PPM1H: variants seen among roughly 807,000 people sequenced by gnomAD.
The protein encoded by PPM1H is protein phosphatase, Mg2+/Mn2+ dependent 1H, also known as protein phosphatase 1H.
A neutral mutation model predicts 54.9 loss-of-function variants in PPM1H; 27 were observed. The ratio of observed to expected loss-of-function variants is 0.49; its 90% CI spans 0.36 to 0.68. The LOEUF is 0.68. Among genes scored for constraint, PPM1H ranks in the 30% least tolerant of loss-of-function variants. The pLI is 0.00. For synonymous variants in PPM1H, 305 were observed against 270.8 expected, an observed-to-expected ratio of 1.13 and a Z score of -1.24; for missense variants, 596 against 667.8, an observed-to-expected ratio of 0.89 and a Z score of 1.19.
At chr12:62,729,924 G>A (rs1475737294) in intron 5 of PPM1H, among the ~76,000 whole-genome samples, 1 of 152,068 alleles carries the variant, frequency 6.6e-6, no homozygotes, top group Non-Finnish European at 1.5e-5. Flanking sequence ...GCCGGTTCCT[G>A]CCTTAACTGA....
At chr12:62,652,356 C>T (rs2075821162) in intron 9 of PPM1H, among the ~76,000 whole-genome samples, 1 of 152,102 alleles carries the variant, frequency 6.6e-6, no homozygotes. Flanking sequence ...AGGACTAAGG[C>T]ATATTCCACC....
At chr12:62,710,537 T>TAA (rs35445574) in intron 6 of PPM1H, among the ~76,000 whole-genome samples, 3,152 of 130,180 alleles carry the variant, frequency 0.024, 59 homozygotes, top group African/African-American at 0.059. Flanking sequence ...ACTGTCTCTT[T>TAA]AAAAAAAAAA....
At position 62,934,464 on chromosome 12, in the gene PPM1H, G is replaced by C. The variant is rs750574105; in HGVS notation, c.245+28C>G. The C allele has an allele frequency of 1.3e-6, 2 of 1,520,672 alleles. No individual in the cohort carries two copies. The highest frequency in any genetic ancestry group is 2.5e-5 in the South Asian group (2 of 80,308). 94.2% of individuals were successfully genotyped at this position (1,520,672 alleles called of 1,614,324 possible). ...GCGGGGAAGGGCCGCGAGGAGAGCA[G>C]GGGCGCCGCCGGTGTCGCTGCACTC... On this transcript the variant is annotated intron_variant, in intron 1 of 9. Transcript: ENST00000228705. This position sits in a 1 kb window ranked among gnomAD's most constrained non-coding sequence, Gnocchi z 4.2.
chr12:62,831,965 G>C, intron 2 of PPM1H, 149 bp downstream of exon 2: 2 of 888,548 alleles, frequency 2.3e-6, no homozygotes, highest in Non-Finnish European at 3.4e-6. Flanking sequence ...GTGTGATGTC[G>C]TGACGATAGG....
At position 62,922,029 on chromosome 12, in the gene PPM1H, C is replaced by A. The variant is rs1871815207; in HGVS notation, c.245+12463G>T. 3.3e-5 allele frequency among the ~76,000 whole-genome samples: 5 copies of A among 152,120 alleles called. 1 individual carries two copies. Among genetic ancestry groups the A allele is most frequent in the Admixed American group, 3.3e-4 (5 of 15,278 alleles). Reference sequence around the variant, plus strand: ...AAAATGTACAGATTGGTTTTTAAGACATACAGGCTTTCCAAAAACATTAAA... The same window carrying A: ...AAAATGTACAGATTGGTTTTTAAGAAATACAGGCTTTCCAAAAACATTAAA... On this transcript the variant is annotated intron_variant, in intron 1 of 9. Transcript: ENST00000228705.
At chr12:62,779,935 GTCTCTCTTT>G (rs1313307725) in intron 4 of PPM1H, among the ~76,000 whole-genome samples, 3 of 152,138 alleles carry the variant, frequency 2.0e-5, no homozygotes, top group African/African-American at 4.8e-5. Flanking sequence ...CAGCACTCCA[GTCTCTCTTT>G]TGAAGGTTCC....
chr12:62,888,378 G>A (rs1870666514), intron 1 of PPM1H, among the ~76,000 whole-genome samples: 1 of 152,102 alleles, frequency 6.6e-6, no homozygotes, highest in African/African-American at 2.4e-5. Context: ...ACTCAGGGCT[G>A]GGGACACACA....
chr12:62,664,944 T>C (rs2075908279), intron 9 of PPM1H, among the ~76,000 whole-genome samples: 1 of 152,184 alleles, frequency 6.6e-6, no homozygotes, highest in African/African-American at 2.4e-5. Flanking sequence ...TTGGCACCGT[T>C]TACTTTTGAA....
chr12:62,696,894 T>C lies in PPM1H; in HGVS notation c.1074-2895A>G, dbSNP rs528055435. ...AAGAAATGTGATATCAGGACTTAGC[T>C]TTGGGAATTTCTCATTCTAGTCCGA... On this transcript the variant is annotated intron_variant, in intron 6 of 9. Coordinates refer to ENST00000228705, the MANE Select transcript of PPM1H (RefSeq NM_020700.2). Among the ~76,000 whole-genome samples, 81 of 152,324 alleles carry C rather than the reference T, an allele frequency of 5.3e-4. 1 individual carries two copies. Among genetic ancestry groups the C allele is most frequent in the African/African-American group, 1.9e-3 (80 of 41,568 alleles).
chr12:62,874,650 C>T (rs1193949826), intron 1 of PPM1H, among the ~76,000 whole-genome samples: 3 of 152,176 alleles, frequency 2.0e-5, no homozygotes, highest in African/African-American at 4.8e-5. Context: ...TGCTGAGAAC[C>T]ATTTCCTAAG....
Position 62,902,711 on chromosome 12 carries a change from A to C in PPM1H, c.245+31781T>G, listed in dbSNP as rs578065189. On this transcript the variant is annotated intron_variant, in intron 1 of 9. Transcript: ENST00000228705. ...TTTGAATTACTTCAAGGATTAATTA[A>C]AATAATACATGTATAACCCTTGGCC... 1.1e-4 allele frequency among the ~76,000 whole-genome samples: 16 copies of C among 152,366 alleles called. No homozygotes were observed. The South Asian group carries it at 3.3e-3, about 32-fold the overall frequency.
At position 62,762,369 on chromosome 12, in the gene PPM1H, C is replaced by A. The variant is rs1242624988; in HGVS notation, c.870-24783G>T. Among the ~76,000 whole-genome samples the A allele has an allele frequency of 2.0e-5, 3 of 152,310 alleles. No homozygotes were observed. The East Asian group carries it at 5.8e-4, about 29-fold the overall frequency. On this transcript the variant is annotated intron_variant, in intron 4 of 9. Coordinates refer to ENST00000228705, the MANE Select transcript of PPM1H (RefSeq NM_020700.2). Reference sequence around the variant, plus strand: ...GGAACTCCAGATAGCCAAGGAGCAGCCCCATGCTCAGAAAGCCACAGAGCA... The same window carrying A: ...GGAACTCCAGATAGCCAAGGAGCAGACCCATGCTCAGAAAGCCACAGAGCA...
At position 62,864,135 on chromosome 12, in the gene PPM1H, T is replaced by C. The variant is rs148145325; in HGVS notation, c.246-31856A>G. Reference sequence around the variant, plus strand: ...TCTAGTGGGCAGAGCCCAGGGATGCTGGCAAACATCCTGTAATGTGCAAGA... The same window carrying C: ...TCTAGTGGGCAGAGCCCAGGGATGCCGGCAAACATCCTGTAATGTGCAAGA... On this transcript the variant is annotated intron_variant, in intron 1 of 9. Coordinates refer to ENST00000228705, the MANE Select transcript of PPM1H (RefSeq NM_020700.2). 3.9e-5 allele frequency among the ~76,000 whole-genome samples: 6 copies of C among 152,306 alleles called. No homozygotes were observed. In the East Asian group the frequency reaches 1.2e-3, roughly 29 times the overall value.
At chr12:62,682,168 T>C (rs562235905) in intron 8 of PPM1H, among the ~76,000 whole-genome samples, 5 of 152,338 alleles carry the variant, frequency 3.3e-5, no homozygotes, top group East Asian at 1.9e-4. Context: ...CTCTTCCAAA[T>C]AGAATTACTG....
At position 62,934,849 on chromosome 12, in the gene PPM1H, C is replaced by CACTG. The variant is rs1409358282; in HGVS notation, c.-117_-114dup. On this transcript the variant is annotated 5_prime_UTR_variant, in exon 1 of 10. Coordinates refer to ENST00000228705, the MANE Select transcript of PPM1H (RefSeq NM_020700.2). This position sits in a 1 kb window ranked among gnomAD's most constrained non-coding sequence, Gnocchi z 4.2. Reference sequence around the variant, plus strand: ...GCGCCGGGCGCACGGCGAGTCGGGCCACTGGGACGCGCCGCGCGCGGCTCC... The same window carrying CACTG: ...GCGCCGGGCGCACGGCGAGTCGGGCCACTGACTGGGACGCGCCGCGCGCGGCTCC... 9.2e-7 allele frequency: 1 copy of CACTG among 1,089,000 alleles called. No homozygotes were observed. Among genetic ancestry groups the CACTG allele is most frequent in the East Asian group, 3.7e-5 (1 of 26,946 alleles). The allele number at this position is 1,089,000 out of a possible 1,614,324, so 67.5% of individuals were successfully genotyped here. A position where few individuals can be genotyped will look rare whatever the true frequency, so the allele number is the denominator to read the frequency against.
rs1318397275 is a variant in PPM1H, at chr12:62,653,982, T to A, written c.1398-5346A>T. On this transcript the variant is annotated intron_variant, in intron 9 of 9. Transcript: ENST00000228705. ...CCTGGCCAGGTGCAGTGGCTTACGC[T>A]TGTAATCCTAGCACTCTGGGAGGTC... Among the ~76,000 whole-genome samples the A allele has an allele frequency of 5.3e-5, 8 of 151,916 alleles. No homozygotes were observed. The South Asian group carries it at 1.7e-3, about 32-fold the overall frequency.
chr12:62,764,041 C>A (rs1011655581), intron 4 of PPM1H, among the ~76,000 whole-genome samples: 1 of 152,222 alleles, frequency 6.6e-6, no homozygotes, highest in Non-Finnish European at 1.5e-5. Context: ...TTTGTCTGCA[C>A]TGGTTTCTGC....
In PPM1H at chr12:62,832,145, T is replaced by C. The variant is rs1326031362; in HGVS notation, c.380A>G (p.Asn127Ser). ...CTCCTTCAGCTGCAGCCCTTCCCCA[T>C]TGGGAAGGGAGGACCGTCTCTTGGA... Reference protein sequence around the residue: ...NSSKRRSSLPNGEGLQLKENS... With the variant: ...NSSKRRSSLPSGEGLQLKENS... The change falls in exon 2 of 10, where the codon AAT becomes AGT. Residue 127 changes from asparagine to serine, a missense_variant. Physicochemically the swap from Asn to Ser is conservative, Grantham distance 46 (BLOSUM62 1). Transcript: ENST00000228705. The C allele has an allele frequency of 3.7e-6, 6 of 1,613,606 alleles. No individual in the cohort carries two copies. Among genetic ancestry groups the C allele is most frequent in the African/African-American group, 2.7e-5 (2 of 74,882 alleles).
chr12:62,822,956 G>A (rs967180110), intron 2 of PPM1H, among the ~76,000 whole-genome samples: 1 of 152,112 alleles, frequency 6.6e-6, no homozygotes, highest in African/African-American at 2.4e-5. Flanking sequence ...AAATTCAGGA[G>A]CTGGTTTTTT....
Sources: allele counts gnomAD v4.1 joint callset (sites outside exome capture counted in the v4.1 genomes callset), GRCh38; gene constraint gnomAD v4.1.1; non-coding constraint Gnocchi (gnomAD v3.1); transcripts MANE v1.5; gene names NCBI Gene and HGNC (gene_info 2026-07-23, HGNC 2026-07-21).